Variants in ZNF407 observed in about 807,000 individuals in gnomAD.
ZNF407 encodes zinc finger protein 407.
A neutral mutation model predicts 131.2 loss-of-function variants in ZNF407; 17 were observed. The ratio of observed to expected loss-of-function variants is 0.13; its 90% confidence interval spans 0.09 to 0.19. The LOEUF (loss-of-function observed/expected upper bound fraction) is 0.19, where lower values mean the gene tolerates loss of function less well. Among genes scored for constraint, ZNF407 ranks in the 10% least tolerant of loss-of-function variants. The probability of loss-of-function intolerance (pLI) is 1.00; values close to 1 mark genes in which losing one functional copy is unlikely to be tolerated. For missense variants in ZNF407, 2,681 were observed against 2,830.6 expected, an observed-to-expected ratio of 0.95 and a Z score of 1.20; for synonymous variants, 1,156 against 1,062.0, an observed-to-expected ratio of 1.09 and a Z score of -1.72.
intron 4 of ZNF407, among the ~76,000 whole-genome samples, chr18:74,865,866 G>A (rs1971003612): frequency 6.6e-6 from 1 of 152,144 alleles, no homozygotes; most frequent in Non-Finnish European, 1.5e-5. Flanking sequence ...CCTCACATAT[G>A]TGTGTATTCT....
At chr18:74,679,059 T>A (rs531900303) in intron 3 of ZNF407, among the ~76,000 whole-genome samples, 4 of 151,782 alleles carry the variant, frequency 2.6e-5, no homozygotes, top group African/African-American at 9.7e-5. Flanking sequence ...AAATAATCTG[T>A]GTGGGGACTC....
At chr18:74,678,547 C>T (rs893371234) in intron 3 of ZNF407, among the ~76,000 whole-genome samples, 1 of 152,172 alleles carries the variant, frequency 6.6e-6, no homozygotes, top group African/African-American at 2.4e-5. Context: ...GCAGTTCAAA[C>T]GTCAGTTTAT....
intron 3 of ZNF407, among the ~76,000 whole-genome samples, chr18:74,752,987 T>C (rs559142745): frequency 6.6e-6 from 1 of 152,164 alleles, no homozygotes; most frequent in South Asian, 2.1e-4. Flanking sequence ...TTTCATGGTA[T>C]TGATTCTTCC....
chr18:74,600,790 T>C (rs1168517386), intron 1 of ZNF407, among the ~76,000 whole-genome samples: 2 of 152,226 alleles, frequency 1.3e-5, no homozygotes, highest in African/African-American at 4.8e-5. Flanking sequence ...TTAGGATGGC[T>C]GGATCACGGA....
chr18:74,883,141 C>T (rs1173009066), intron 6 of ZNF407, among the ~76,000 whole-genome samples: 1 of 152,178 alleles, frequency 6.6e-6, no homozygotes, highest in Non-Finnish European at 1.5e-5. Flanking sequence ...TAACTTTATA[C>T]CATATAGGAC....
intron 8 of ZNF407, among the ~76,000 whole-genome samples, chr18:74,953,481 G>A (rs75050349): frequency 0.032 from 4,891 of 152,068 alleles, 291 homozygotes; most frequent in African/African-American, 0.11. Flanking sequence ...ATCCTTAGTC[G>A]CCTTAACTTG....
chr18:74,832,255 T>C (rs1031284011), intron 4 of ZNF407, among the ~76,000 whole-genome samples: 1 of 152,220 alleles, frequency 6.6e-6, no homozygotes, highest in South Asian at 2.1e-4. Context: ...CATGTTTTTC[T>C]GATTATAGTA....
intron 8 of ZNF407, among the ~76,000 whole-genome samples, chr18:75,008,236 C>T (rs1469056044): frequency 6.6e-6 from 1 of 152,178 alleles, no homozygotes; most frequent in Non-Finnish European, 1.5e-5. Context: ...CTACACTGTT[C>T]CAGGCACAGC....
intron 3 of ZNF407, among the ~76,000 whole-genome samples, chr18:74,757,542 A>G (rs952934583): frequency 6.6e-6 from 1 of 152,134 alleles, no homozygotes; most frequent in Non-Finnish European, 1.5e-5. Context: ...CAATCTCTAT[A>G]GATGTCCTGA....
intron 6 of ZNF407, among the ~76,000 whole-genome samples, chr18:74,889,026 T>G (rs1599223001): frequency 6.6e-6 from 1 of 152,328 alleles, no homozygotes; most frequent in South Asian, 2.1e-4. Flanking sequence ...CTGTACTTTT[T>G]CTGTGTTTAG....
At chr18:74,792,068 GACA>G (rs1240328699) in intron 4 of ZNF407, among the ~76,000 whole-genome samples, 1 of 152,180 alleles carries the variant, frequency 6.6e-6, no homozygotes, top group Non-Finnish European at 1.5e-5. Context: ...TGACGCTGTG[GACA>G]ACATTTCCCC....
intron 8 of ZNF407, among the ~76,000 whole-genome samples, chr18:75,038,686 C>T (rs1000050364): frequency 9.9e-5 from 15 of 152,138 alleles, no homozygotes; most frequent in African/African-American, 3.6e-4. Flanking sequence ...AGAATGACAC[C>T]ACCATTAACA....
At chr18:75,053,797 G>C (rs975636192) in intron 8 of ZNF407, among the ~76,000 whole-genome samples, 5 of 152,222 alleles carry the variant, frequency 3.3e-5, no homozygotes, top group Admixed American at 1.3e-4. Context: ...CTGGCACAGA[G>C]GCTCTCCCAA....
At chr18:74,872,545 C>T (rs190843617) in intron 4 of ZNF407, among the ~76,000 whole-genome samples, 249 of 151,900 alleles carry the variant, frequency 1.6e-3, no homozygotes, top group Non-Finnish European at 2.3e-3. Context: ...AGGCAGATCA[C>T]GAGGTCAGGA....
chr18:74,851,648 CA>C (rs973795950), intron 4 of ZNF407, among the ~76,000 whole-genome samples: 2 of 152,082 alleles, frequency 1.3e-5, no homozygotes, highest in African/African-American at 4.8e-5. Flanking sequence ...CTACTGAACA[CA>C]AATATTGTTA....
At chr18:74,613,248 T>C (rs533255459) in intron 1 of ZNF407, among the ~76,000 whole-genome samples, 9 of 151,762 alleles carry the variant, frequency 5.9e-5, no homozygotes, top group Admixed American at 1.3e-4. Context: ...TTCTAACCTT[T>C]TATAACTTTG....
intron 3 of ZNF407, among the ~76,000 whole-genome samples, chr18:74,652,513 T>TC (rs1985272709): frequency 2.0e-5 from 3 of 151,936 alleles, no homozygotes; most frequent in East Asian, 1.9e-4. Context: ...GCTTATATTT[T>TC]CCCCCCATGC....
intron 4 of ZNF407, among the ~76,000 whole-genome samples, chr18:74,802,195 T>C (rs773459752): frequency 4.6e-5 from 7 of 152,222 alleles, no homozygotes; most frequent in Non-Finnish European, 1.0e-4. Context: ...AGAATGTTTT[T>C]CAACTTGCAT....
intron 3 of ZNF407, among the ~76,000 whole-genome samples, chr18:74,709,729 G>T (rs1259940997): frequency 6.6e-6 from 1 of 152,192 alleles, no homozygotes; most frequent in African/African-American, 2.4e-5. Flanking sequence ...TCTGTGCTAT[G>T]CAGCTTTCAC....
Sources: allele counts gnomAD v4.1 joint callset (sites outside exome capture counted in the v4.1 genomes callset), GRCh38; gene constraint gnomAD v4.1.1; transcripts MANE v1.5; gene names NCBI Gene and HGNC (gene_info 2026-07-23, HGNC 2026-07-21).